Variants in SRGAP1 observed in about 807,000 individuals in gnomAD.
The protein encoded by SRGAP1 is SLIT-ROBO Rho GTPase-activating protein 1.
A neutral mutation model predicts 121.9 loss-of-function variants in SRGAP1; 43 were observed. The ratio of observed to expected loss-of-function variants is 0.35; its 90% CI spans 0.28 to 0.46. The LOEUF (loss-of-function observed/expected upper bound fraction) is 0.46, where lower values mean the gene tolerates loss of function less well. Among genes scored for constraint, SRGAP1 ranks in the 20% least tolerant of loss-of-function variants. The pLI is 1.00. For synonymous variants in SRGAP1, 447 were observed against 485.4 expected, an observed-to-expected ratio of 0.92 and a Z score of 1.04; for missense variants, 1,102 against 1,350.9, an observed-to-expected ratio of 0.82 and a Z score of 2.89.
chr12:64,050,883 G>A (rs1263609300), intron 6 of SRGAP1, among the ~76,000 whole-genome samples: 3 of 151,936 alleles, frequency 2.0e-5, no homozygotes, highest in East Asian at 1.9e-4. Context: ...CACCATGCCC[G>A]GCTAATTGTT....
At chr12:64,052,768 C>T (rs2035261382) in intron 6 of SRGAP1, among the ~76,000 whole-genome samples, 1 of 152,044 alleles carries the variant, frequency 6.6e-6, no homozygotes, top group Admixed American at 6.6e-5. Flanking sequence ...GCATTATATA[C>T]TTTTAATGAT....
intron 1 of SRGAP1, among the ~76,000 whole-genome samples, chr12:63,895,891 C>T (rs747938464): frequency 6.6e-5 from 10 of 152,198 alleles, no homozygotes; most frequent in African/African-American, 9.7e-5. Flanking sequence ...GCATTCTGCA[C>T]CCTGCAATCA....
At chr12:63,918,986 G>C (rs1288973573) in intron 1 of SRGAP1, among the ~76,000 whole-genome samples, 1 of 141,502 alleles carries the variant, frequency 7.1e-6, no homozygotes. Flanking sequence ...ATGAAGTTCA[G>C]AGAAGAGGTA....
chr12:64,093,279 T>C (rs1273909624), intron 12 of SRGAP1, among the ~76,000 whole-genome samples: 1 of 152,172 alleles, frequency 6.6e-6, no homozygotes, highest in Non-Finnish European at 1.5e-5. Context: ...ATATACTCAT[T>C]ACTTTTTGAC....
At chr12:63,884,953 C>G (rs1486454283) in intron 1 of SRGAP1, among the ~76,000 whole-genome samples, 3 of 152,168 alleles carry the variant, frequency 2.0e-5, no homozygotes, top group African/African-American at 4.8e-5. Flanking sequence ...ATCTCCTGAC[C>G]TCGTGATCCG....
chr12:64,113,278 C>T (rs1283526217), intron 17 of SRGAP1, among the ~76,000 whole-genome samples: 3 of 151,844 alleles, frequency 2.0e-5, no homozygotes, highest in Admixed American at 6.6e-5. Context: ...CATGGTGGTA[C>T]GTGCCTGTAG....
intron 1 of SRGAP1, among the ~76,000 whole-genome samples, chr12:63,953,270 A>G (rs957093907): frequency 2.0e-5 from 3 of 152,218 alleles, no homozygotes; most frequent in Non-Finnish European, 2.9e-5. Flanking sequence ...GGAGAATCTG[A>G]CATGGTACAT....
At chr12:63,954,652 T>C (rs1323139381) in intron 1 of SRGAP1, among the ~76,000 whole-genome samples, 1 of 129,042 alleles carries the variant, frequency 7.7e-6, no homozygotes, top group Non-Finnish European at 1.6e-5. Flanking sequence ...CACTCCAGCC[T>C]GGGGGACAGA....
rs944882482 is a variant in SRGAP1 at position 63,970,429 on chromosome 12, A to T, written c.68-13518A>T. ...ATATCTGAGACCTTACAAAAAACTT[A>T]TAGGGAAGTAGAGGTATGAGATTAA... On this transcript the variant is annotated intron_variant, in intron 1 of 21. Coordinates refer to ENST00000355086, the MANE Select transcript of SRGAP1 (RefSeq NM_020762.4). 2.0e-5 allele frequency among the ~76,000 whole-genome samples: 3 copies of T among 152,222 alleles called. No individual in the cohort carries two copies. In the South Asian group the frequency reaches 6.2e-4, roughly 31 times the overall value.
chr12:64,017,325 T>TA (rs1333987279), intron 4 of SRGAP1, among the ~76,000 whole-genome samples: 4 of 152,342 alleles, frequency 2.6e-5, no homozygotes, highest in South Asian at 4.1e-4. Flanking sequence ...AACTGGATTG[T>TA]ATGTGATCTC....
At chr12:64,091,991 T>G in intron 12 of SRGAP1, 1 of 1,331,064 alleles carries the variant, frequency 7.5e-7, no homozygotes, top group Non-Finnish European at 1.0e-6. Flanking sequence ...GTCGTGCTCA[T>G]GCTTGGCTTT....
chr12:63,968,422 A>G (rs2032844686), intron 1 of SRGAP1, among the ~76,000 whole-genome samples: 1 of 152,210 alleles, frequency 6.6e-6, no homozygotes, highest in Non-Finnish European at 1.5e-5. Flanking sequence ...TAACTGCATC[A>G]TACCTCCTAC....
chr12:63,928,466 T>C (rs900167707), intron 1 of SRGAP1, among the ~76,000 whole-genome samples: 2 of 152,180 alleles, frequency 1.3e-5, no homozygotes, highest in African/African-American at 4.8e-5. Flanking sequence ...TTCTGGTATA[T>C]CTATACCACC....
rs545481288 is a variant in SRGAP1, at chr12:64,113,468, T to A, written c.2144+1482T>A. The stretch of plus-strand genomic sequence containing the variant: ...GTATTCAGTAGTACAGTAGGAAAAT[T>A]ATAGCTAACAATAATGTATATTTCA... On this transcript the variant is annotated intron_variant, in intron 17 of 21. Coordinates refer to ENST00000355086, the MANE Select transcript of SRGAP1 (RefSeq NM_020762.4). Among the ~76,000 whole-genome samples the A allele has an allele frequency of 2.0e-5, 3 of 152,148 alleles. No homozygotes were observed. The South Asian group carries it at 6.2e-4, about 32-fold the overall frequency.
intron 4 of SRGAP1, among the ~76,000 whole-genome samples, chr12:64,035,123 T>A (rs2034875210): frequency 9.9e-6 from 1 of 100,874 alleles, no homozygotes; most frequent in Non-Finnish European, 2.3e-5. Context: ...GGGGATGGGA[T>A]GGGAACTGAG....
chr12:64,125,899 C>T, intron 18 of SRGAP1, 78 bp from the exon 19 acceptor site: 1 of 1,472,624 alleles, frequency 6.8e-7, no homozygotes, highest in South Asian at 1.3e-5. Context: ...TTTGAAGCCT[C>T]ATAGAGCCCT....
chr12:64,016,482 G>A (rs1348614029), intron 3 of SRGAP1, among the ~76,000 whole-genome samples: 1 of 152,038 alleles, frequency 6.6e-6, no homozygotes, highest in African/African-American at 2.4e-5. Context: ...GCGAGACCCT[G>A]TCTCCAAAAA....
intron 1 of SRGAP1, among the ~76,000 whole-genome samples, chr12:63,875,548 AT>A (rs1015852366): frequency 1.3e-5 from 2 of 152,300 alleles, no homozygotes; most frequent in East Asian, 3.9e-4. Flanking sequence ...TTCTTTAAAA[AT>A]TTTTTAAAGA....
At chr12:64,122,057 T>A (rs989465958) in intron 18 of SRGAP1, among the ~76,000 whole-genome samples, 11 of 152,152 alleles carry the variant, frequency 7.2e-5, no homozygotes, top group Admixed American at 1.3e-4. Context: ...GGGTAACAGA[T>A]CTAGGAGGAA....
Sources: allele counts gnomAD v4.1 joint callset (sites outside exome capture counted in the v4.1 genomes callset), GRCh38; gene constraint gnomAD v4.1.1; transcripts MANE v1.5; gene names NCBI Gene and HGNC (gene_info 2026-07-23, HGNC 2026-07-21).